PRX: variants seen among roughly 807,000 people sequenced by gnomAD.
PRX encodes periaxin.
Under a neutral mutation model 29.6 loss-of-function variants are expected in PRX, and 24 were observed. The ratio of observed to expected loss-of-function variants is 0.81; its 90% CI spans 0.59 to 1.14. The LOEUF is 1.14. Ranked by LOEUF, PRX falls within the 50% of genes most tolerant of loss-of-function variation. The probability of loss-of-function intolerance (pLI) is 0.00; values close to 1 mark genes in which losing one functional copy is unlikely to be tolerated. For synonymous variants in PRX, 772 were observed against 831.7 expected (o/e 0.93, Z 1.24); for missense variants, 1,838 against 1,926.4 (o/e 0.95, Z 0.86).
At chr19:40,407,803 G>A (rs2145745730) in intron 4 of PRX, 103 bp downstream of exon 4, 1 of 1,498,764 alleles carries the variant, frequency 6.7e-7, no homozygotes, top group East Asian at 2.3e-5. Flanking sequence ...TTCACAGATG[G>A]AGAGAATGAG....
intron 5 of PRX, among the ~76,000 whole-genome samples, chr19:40,402,594 A>G (rs987580712): frequency 1.7e-4 from 26 of 150,124 alleles, no homozygotes; most frequent in African/African-American, 6.4e-4. Context: ...ACACGGTGAA[A>G]CCTCGTCTCT....
At chr19:40,406,557 G>A (rs1482646691) in intron 4 of PRX, among the ~76,000 whole-genome samples, 2 of 152,044 alleles carry the variant, frequency 1.3e-5, no homozygotes, top group East Asian at 1.9e-4. Flanking sequence ...AACTCCTGGC[G>A]CTGTACCCAC....
rs541455813 is a variant in PRX at position 40,396,059 on chromosome 19, C to T, written c.2293G>A (p.Asp765Asn). The change falls in exon 7 of 7, where the codon GAC becomes AAC. Residue 765 changes from aspartate to asparagine, a missense_variant. By Grantham distance (23) the Asp-to-Asn change is conservative (BLOSUM62 1). Around this residue, in one of 3 missense-constraint regions of PRX, gnomAD observed 1,143 missense variants for 1,193.0 expected, o/e 0.96. Coordinates refer to ENST00000324001, the MANE Select transcript of PRX (RefSeq NM_181882.3). ...LPEMQVPKVP[D>N]VHLPKAPEVK... is the part of the protein sequence containing the mutation. ...TCTGGTGCCTTCGGAAGATGCACGT[C>T]GGGAACCTTCGGCACTTGCATTTCC... 1.1e-5 allele frequency: 17 copies of T among 1,614,152 alleles called. No homozygotes were observed. Among genetic ancestry groups the T allele is most frequent in the Middle Eastern group, 3.3e-4 (2 of 6,062 alleles).
In PRX at chr19:40,402,996, C is replaced by G. The variant is rs1158896299; in HGVS notation, c.184+710G>C. Among the ~76,000 whole-genome samples the G allele has an allele frequency of 3.9e-5, 6 of 151,994 alleles. No individual in the cohort carries two copies. The East Asian group carries it at 1.2e-3, about 30-fold the overall frequency. ...ACCAGCCTGGCCAACATAGTGAAAC[C>G]CCGTCTCTACTAAAAATACAAAAAT... is the stretch of plus-strand genomic sequence containing the variant. On this transcript the variant is annotated intron_variant, in intron 5 of 6. Transcript: ENST00000324001.
upstream of PRX, among the ~76,000 whole-genome samples, chr19:40,414,113 G>T (rs2079571223): frequency 6.6e-6 from 1 of 151,986 alleles, no homozygotes; most frequent in South Asian, 2.1e-4. Flanking sequence ...TGTAAAATGG[G>T]CTCCTTATGC....
At position 40,395,041 on chromosome 19, in the gene PRX, A is replaced by G. The variant is rs1327366501; in HGVS notation, c.3311T>C (p.Leu1104Pro). Residue 1104 changes from leucine (L) to proline (P), a missense_variant, in exon 7 of 7, where the codon CTG becomes CCG. Coordinates refer to ENST00000324001, the MANE Select transcript of PRX (RefSeq NM_181882.3). ...LKIPEVELVT[L>P]GAQEEGRAEG... ...TGCCCTCCCTTCCTCCTGGGCGCCC[A>G]GCGTGACCAGCTCCACCTCGGGGAT... The G allele has an allele frequency of 3.1e-6, 5 of 1,611,332 alleles. No homozygotes were observed. The East Asian group carries it at 1.1e-4, about 36-fold the overall frequency.
At chr19:40,408,298 G>C (rs764637834) in intron 2 of PRX, 42 bp from the exon 3 acceptor site, 1 of 438,468 alleles carries the variant, frequency 2.3e-6, no homozygotes, top group Non-Finnish European at 4.2e-6. Flanking sequence ...AGGCAGGCGA[G>C]GAAGGGGTGG....
At chr19:40,404,423 CTGGGGGGGGT>C (rs1175102709) in intron 4 of PRX, among the ~76,000 whole-genome samples, 1 of 8,246 alleles carries the variant, frequency 1.2e-4, no homozygotes, top group Non-Finnish European at 2.5e-4. Flanking sequence ...GAGGGCGGGG[CTGGGGGGGGT>C]TGGTGCGGGT....
At chr19:40,405,752 C>A (rs1315847360) in intron 4 of PRX, among the ~76,000 whole-genome samples, 2 of 150,338 alleles carry the variant, frequency 1.3e-5, no homozygotes, top group Non-Finnish European at 2.9e-5. Flanking sequence ...GATTCTCCTG[C>A]CTCAGCCTCC....
At chr19:40,403,983 GTGGGGGACGGTC>G in intron 4 of PRX, 121 bp from the exon 5 acceptor site, 1 of 1,171,624 alleles carries the variant, frequency 8.5e-7, no homozygotes, top group Non-Finnish European at 1.2e-6. Context: ...AGAGACGGGG[GTGGGGGACGGTC>G]TCGCCACACT....
At chr19:40,403,916 G>A in intron 4 of PRX, 54 bp from the exon 5 acceptor site, 1 of 1,578,180 alleles carries the variant, frequency 6.3e-7, no homozygotes, top group South Asian at 1.1e-5. Flanking sequence ...ACCTCGCCCA[G>A]AGCCCGCCAT....
upstream of PRX, among the ~76,000 whole-genome samples, chr19:40,414,706 C>T (rs536896289): frequency 3.3e-5 from 5 of 152,284 alleles, no homozygotes; most frequent in South Asian, 4.1e-4. Flanking sequence ...TCACCAGACC[C>T]CGGGGGGCGG....
intron 4 of PRX, among the ~76,000 whole-genome samples, chr19:40,405,626 CTTTTTTTTTTTTTT>C (rs1167458782): frequency 0.016 from 1,222 of 74,546 alleles, 22 homozygotes; most frequent in Non-Finnish European, 0.019. Context: ...TGCAGAATCT[CTTTTTTTTTTTTTT>C]TTTTTTTTTT....
Position 40,397,727 on chromosome 19 carries a change from C to T in PRX, c.625G>A (p.Ala209Thr), listed in dbSNP as rs769143653. The change falls in exon 7 of 7, where the codon GCC becomes ACC. Residue 209 changes from alanine to threonine, a missense_variant. By Grantham distance (58) the Ala-to-Thr change is moderately conservative (BLOSUM62 0). Transcript: ENST00000324001. ...AEEAQAARLA[A>T]AAPPPRKAKV... Reference sequence around the variant, plus strand: ...GCTTTCCTGGGGGGAGGAGCGGCGGCGGCCAGCCGGGCTGCCTGAGCCTCT... The same window carrying T: ...GCTTTCCTGGGGGGAGGAGCGGCGGTGGCCAGCCGGGCTGCCTGAGCCTCT... 2.2e-5 allele frequency: 35 copies of T among 1,560,006 alleles called. No individual in the cohort carries two copies. Among genetic ancestry groups the T allele is most frequent in the African/African-American group, 9.4e-5 (7 of 74,342 alleles).
At position 40,397,799 on chromosome 19, in the gene PRX, G is replaced by A. The variant is rs376863946; in HGVS notation, c.553C>T (p.Arg185Cys). The A allele has an allele frequency of 1.3e-5, 21 of 1,579,826 alleles. No homozygotes were observed. The African/African-American group carries it at 1.9e-4, about 14-fold the overall frequency. The change falls in exon 7 of 7, where the codon CGC becomes TGC. Residue 185 changes from arginine (R) to cysteine (C), a missense_variant. Arg to Cys is a radical substitution (Grantham distance 180, BLOSUM62 -3). This residue lies in a region of PRX where 666 missense variants were observed against 665.0 expected (regional missense o/e 1.00). Transcript: ENST00000324001. ...VKGPVPAAPARRRLQLPRLRV... is the reference protein window; with the variant it reads ...VKGPVPAAPACRRLQLPRLRV... ...AGCCGAGGCAGCTGGAGGCGCCGGC[G>A]GGCAGGGGCAGCCGGGACAGGACCC...
intron 5 of PRX, among the ~76,000 whole-genome samples, chr19:40,400,700 C>T (rs1350290772): frequency 6.6e-6 from 1 of 151,622 alleles, no homozygotes; most frequent in Non-Finnish European, 1.5e-5. Flanking sequence ...CAGGCTCCAG[C>T]GATCCTCCTG....
In PRX at chr19:40,398,042, C is replaced by A. The variant is rs1230409324; in HGVS notation, c.382-72G>T. 1 of 1,538,012 alleles carries A rather than the reference C, an allele frequency of 6.5e-7. No individual in the cohort carries two copies. Among genetic ancestry groups the A allele is most frequent in the African/African-American group, 1.4e-5 (1 of 72,994 alleles). The stretch of plus-strand genomic sequence containing the variant: ...TGGGAGTGGACAGGAAGAGCCCCAC[C>A]TGGTATTGGACCAGGCGGGGGATGT... On this transcript the variant is annotated intron_variant, in intron 6 of 6. Coordinates refer to ENST00000324001, the MANE Select transcript of PRX (RefSeq NM_181882.3). The surrounding 1 kb of genome is among the most constrained non-coding windows in gnomAD (Gnocchi z 6.3).
intron 1 of PRX, among the ~76,000 whole-genome samples, chr19:40,408,770 A>G (rs1428020931): frequency 6.6e-6 from 1 of 151,850 alleles, no homozygotes; most frequent in Non-Finnish European, 1.5e-5. Context: ...AGCTGGGACC[A>G]CAGGTGCATG....
chr19:40,396,935 C>G lies in PRX; in HGVS notation c.1417G>C (p.Val473Leu). Residue 473 changes from valine to leucine, a missense_variant, in exon 7 of 7, where the codon GTG becomes CTG. This residue lies in a region of PRX where 666 missense variants were observed against 665.0 expected (regional missense o/e 1.00). Coordinates refer to ENST00000324001, the MANE Select transcript of PRX (RefSeq NM_181882.3). ...ACCTTTGGGAGTTTCATCTCTGACA[C>G]CTTGGGGAGCTCCACCTCTGGGAGT... ...VRLPEVELPK[V>L]SEMKLPKVPE... is the part of the protein sequence containing the mutation. 1 of 1,614,238 alleles carries G rather than the reference C, an allele frequency of 6.2e-7. No homozygotes were observed.
Sources: allele counts gnomAD v4.1 joint callset (sites outside exome capture counted in the v4.1 genomes callset), GRCh38; gene constraint gnomAD v4.1.1; regional missense constraint gnomAD v4.1.1; non-coding constraint Gnocchi (gnomAD v3.1); transcripts MANE v1.5; gene names NCBI Gene and HGNC (gene_info 2026-07-23, HGNC 2026-07-21).